The following HTATSF1 variants were observed in gnomAD, a reference collection of about 807,000 sequenced individuals.
HTATSF1 encodes the protein 17S U2 SnRNP complex component HTATSF1.
HTATSF1 carries 6 observed loss-of-function variants against 46.1 expected under a neutral mutation model. The ratio of observed to expected loss-of-function variants is 0.13; its 90% CI spans 0.07 to 0.26. The LOEUF is 0.26. Ranked by LOEUF, HTATSF1 falls within the 10% of genes least tolerant of loss-of-function variation. The pLI is 1.00. For synonymous variants in HTATSF1, 226 were observed against 211.5 expected (o/e 1.07, Z -0.60); for missense variants, 452 against 559.9 (o/e 0.81, Z 1.94).
chrX:136,506,916 T>C (rs755457412), intron 6 of HTATSF1, among the ~76,000 whole-genome samples: 1 of 112,616 alleles, frequency 8.9e-6, no homozygotes, highest in Non-Finnish European at 1.9e-5. Flanking sequence ...TAAAATGAAA[T>C]AAAATTCAGT....
chrX:136,510,732 A>G (rs2075763267), intron 8 of HTATSF1, 76 bp from the exon 9 acceptor site: 1 of 1,004,670 alleles, frequency 1.0e-6, no homozygotes, highest in Non-Finnish European at 1.3e-6. Context: ...AGGTTGTTTC[A>G]TCAATATTAG....
chrX:136,499,646 A>G lies in HTATSF1; in HGVS notation c.235A>G (p.Asn79Asp). 1 of 1,198,812 alleles carries G rather than the reference A, an allele frequency of 8.3e-7. No individual in the cohort carries two copies. The highest frequency in any genetic ancestry group is 1.1e-6 in the Non-Finnish European group (1 of 890,556). Residue 79 changes from asparagine (N) to aspartate (D), a missense_variant, in exon 2 of 9, where the codon AAC (asparagine) becomes GAC (aspartate). By Grantham distance (23) the Asn-to-Asp change is conservative. This residue lies in a region of HTATSF1 where 89 missense variants were observed against 92.3 expected (regional missense o/e 0.96). Coordinates refer to ENST00000218364, the MANE Select transcript of HTATSF1 (RefSeq NM_014500.5). ...ATATCAGGCCAATTATGGCTTCTCT[A>G]ACGATGGCGCATCTAGTTCTACCGC... is the stretch of plus-strand genomic sequence containing the variant. The part of the protein sequence containing the change: ...ATYQANYGFS[N>D]DGASSSTANV...
At chrX:136,503,031 C>T in intron 5 of HTATSF1, 90 bp downstream of exon 5, 1 of 542,046 alleles carries the variant, frequency 1.8e-6, no homozygotes, top group Non-Finnish European at 2.7e-6. Flanking sequence ...GTCAAGTGTG[C>T]CTACACATTA....
chrX:136,500,552 T>C, intron 3 of HTATSF1, 112 bp from the exon 4 acceptor site: 1 of 517,602 alleles, frequency 1.9e-6, no homozygotes, highest in Non-Finnish European at 3.1e-6. Flanking sequence ...TACATACATT[T>C]AGAAAATCAA....
chrX:136,511,889 A>T lies in HTATSF1; in HGVS notation c.2144A>T (p.Glu715Val), dbSNP rs1203241061. Residue 715 changes from glutamate (E) to valine (V), a missense_variant, in exon 9 of 9, where the codon GAG becomes GTG. Transcript: ENST00000218364. Reference protein sequence around the residue: ...KLFDEEEDSSEKLFDDSDERG... With the variant: ...KLFDEEEDSSVKLFDDSDERG... ...TTTGATGAGGAGGAAGATTCCAGTG[A>T]GAAGTTGTTTGACGATTCTGATGAG... 1 of 1,209,940 alleles carries T rather than the reference A, an allele frequency of 8.3e-7. No individual in the cohort carries two copies. The highest frequency in any genetic ancestry group is 3.0e-5 in the East Asian group (1 of 33,784).
rs1038882797 is a variant in HTATSF1, at chrX:136,512,286, T to G, written c.*273T>G. ...ATGCAGAATAATATTTTTAAGAGTA[T>G]TGATTGAAGTTTGTGATATTCATCA... On this transcript the variant is annotated 3_prime_UTR_variant, in exon 9 of 9. Coordinates refer to ENST00000218364, the MANE Select transcript of HTATSF1 (RefSeq NM_014500.5). 4 of 234,237 alleles carry G rather than the reference T, an allele frequency of 1.7e-5. No homozygotes were observed. The highest frequency in any genetic ancestry group is 1.1e-4 in the African/African-American group (4 of 35,164). The allele number at this position is 234,237 out of a possible 1,213,427, so 19.3% of individuals were successfully genotyped here. A position where few individuals can be genotyped will look rare whatever the true frequency, so the allele number is the denominator to read the frequency against.
chrX:136,503,411 A>G (rs758975132), intron 5 of HTATSF1, among the ~76,000 whole-genome samples: 87 of 112,270 alleles, frequency 7.7e-4, no homozygotes, highest in Non-Finnish European at 1.5e-3. Context: ...TTTGTTTAAT[A>G]TACTTTGAAA....
chrX:136,498,085 A>G (rs1159713386), intron 1 of HTATSF1, among the ~76,000 whole-genome samples: 1 of 112,581 alleles, frequency 8.9e-6, no homozygotes, highest in East Asian at 2.8e-4. Flanking sequence ...AGTCTTTTCT[A>G]TGCTTTATTA....
chrX:136,509,677 T>C (rs1238135434), intron 7 of HTATSF1, among the ~76,000 whole-genome samples: 1 of 112,487 alleles, frequency 8.9e-6, no homozygotes, highest in African/African-American at 3.2e-5. Context: ...AGGTTAGCAC[T>C]ATTACACCCA....
chrX:136,501,260 T>C (rs1346242715), intron 4 of HTATSF1, among the ~76,000 whole-genome samples: 2 of 112,310 alleles, frequency 1.8e-5, no homozygotes, highest in Non-Finnish European at 3.8e-5. Flanking sequence ...TATGCATTTG[T>C]CTATGGTTGC....
chrX:136,506,218 C>T lies in HTATSF1; in HGVS notation c.834+1755C>T, dbSNP rs1484680486. On this transcript the variant is annotated intron_variant, in intron 6 of 8. Coordinates refer to ENST00000218364, the MANE Select transcript of HTATSF1 (RefSeq NM_014500.5). ...TTTCCCCAAAACCACATTTATTCTA[C>T]CTTGACCCCTATACATTCCCTCCAG... Among the ~76,000 whole-genome samples the T allele has an allele frequency of 1.2e-4, 13 of 112,026 alleles. No homozygotes were observed. The East Asian group carries it at 3.6e-3, about 31-fold the overall frequency.
At chrX:136,509,295 C>A (rs1438050415) in intron 7 of HTATSF1, 115 bp downstream of exon 7, 1 of 494,168 alleles carries the variant, frequency 2.0e-6, no homozygotes, top group African/African-American at 2.4e-5. Flanking sequence ...ATATAGTAGT[C>A]CACTATCTTG....
rs1453716137 is a variant in HTATSF1 at position 136,511,899 on chromosome X, T to C, written c.2154T>C (p.Phe718=). The C allele has an allele frequency of 6.6e-6, 8 of 1,211,615 alleles. No homozygotes were observed. The highest frequency in any genetic ancestry group is 8.9e-6 in the Non-Finnish European group (8 of 895,440). The part of the protein sequence containing the change: ...DEEEDSSEKL[F]DDSDERGTLG... Reference sequence around the variant, plus strand: ...AGGAAGATTCCAGTGAGAAGTTGTTTGACGATTCTGATGAGAGGGGGACTT... The same window carrying C: ...AGGAAGATTCCAGTGAGAAGTTGTTCGACGATTCTGATGAGAGGGGGACTT... Residue 718 remains phenylalanine (F), a synonymous_variant, in exon 9 of 9, where the codon TTT becomes TTC. Transcript: ENST00000218364.
At chrX:136,505,369 T>G (rs766482321) in intron 6 of HTATSF1, among the ~76,000 whole-genome samples, 1 of 111,791 alleles carries the variant, frequency 8.9e-6, no homozygotes, top group Admixed American at 9.5e-5. Context: ...CAGCTCTATC[T>G]CAATGAATAG....
At position 136,500,698 on chromosome X, in the gene HTATSF1, A is replaced by G; in HGVS notation, c.450A>G (p.Ile150Met). ...LPPDITVDEFIQLMSKFGIIM... is the reference protein window; with the variant it reads ...LPPDITVDEFMQLMSKFGIIM... ...CAGATATTACAGTGGATGAATTTATACAACTTATGTCCAAGTTTGGCATTA... is the reference window on the plus strand; with the variant it reads ...CAGATATTACAGTGGATGAATTTATGCAACTTATGTCCAAGTTTGGCATTA... The change falls in exon 4 of 9, where the codon ATA (isoleucine) becomes ATG (methionine). Residue 150 changes from isoleucine to methionine, a missense_variant. This residue lies in a region of HTATSF1 where 117 missense variants were observed against 222.2 expected (regional missense o/e 0.53). Transcript: ENST00000218364. 1 of 1,151,456 alleles carries G rather than the reference A, an allele frequency of 8.7e-7. No individual in the cohort carries two copies. The allele number at this position is 1,151,456 out of a possible 1,213,427, so 94.9% of individuals were successfully genotyped here.
At chrX:136,501,472 T>A (rs2075718048) in intron 4 of HTATSF1, among the ~76,000 whole-genome samples, 1 of 112,549 alleles carries the variant, frequency 8.9e-6, no homozygotes, top group Non-Finnish European at 1.9e-5. Flanking sequence ...TAAGAGAAAT[T>A]TGCAGAACTT....
chrX:136,505,871 ATATT>A (rs1569354365), intron 6 of HTATSF1, among the ~76,000 whole-genome samples: 2 of 112,387 alleles, frequency 1.8e-5, no homozygotes. Flanking sequence ...ATTGATCACA[ATATT>A]TAGTCTGCTA....
intron 6 of HTATSF1, among the ~76,000 whole-genome samples, chrX:136,507,570 A>AAAG (rs1569354707): frequency 2.8e-5 from 3 of 109,036 alleles, no homozygotes; most frequent in African/African-American, 1.0e-4. Context: ...TCAAAAAAAA[A>AAAG]AAAGAAAGAA....
chrX:136,498,268 C>T (rs2075701698), intron 1 of HTATSF1, among the ~76,000 whole-genome samples: 1 of 111,820 alleles, frequency 8.9e-6, no homozygotes, highest in South Asian at 3.7e-4. Context: ...TTCTTGATTT[C>T]TTTTTTAAAG....
Sources: gnomAD v4.1 joint callset for allele counts (sites outside exome capture counted in the v4.1 genomes callset) on GRCh38, gnomAD v4.1.1 for gene constraint, gnomAD v4.1.1 regional missense constraint, MANE v1.5 for transcripts, NCBI Gene and HGNC (gene_info 2026-07-23, HGNC 2026-07-21) for gene names.